Variants in MAML2 observed in about 807,000 individuals in gnomAD.
MAML2 encodes the protein mastermind like transcriptional coactivator 2.
MAML2 carries 22 observed loss-of-function variants against 96.1 expected under a neutral mutation model. The ratio of observed to expected loss-of-function variants is 0.23; its 90% CI spans 0.16 to 0.33. The LOEUF (loss-of-function observed/expected upper bound fraction) is 0.33. MAML2 is among the 10% of genes least tolerant of loss of function. The probability of loss-of-function intolerance (pLI) is 1.00; values close to 1 mark genes in which losing one functional copy is unlikely to be tolerated. For synonymous variants in MAML2, 561 were observed against 521.3 expected (o/e 1.08, Z -1.04); for missense variants, 1,367 against 1,392.4 (o/e 0.98, Z 0.29).
intron 1 of MAML2, among the ~76,000 whole-genome samples, chr11:96,128,180 G>A (rs1860483342): frequency 6.6e-6 from 1 of 152,102 alleles, no homozygotes; most frequent in Non-Finnish European, 1.5e-5. Flanking sequence ...GATCACCTGA[G>A]GTCAGGAGTT....
intron 1 of MAML2, among the ~76,000 whole-genome samples, chr11:96,326,135 T>C (rs1254210454): frequency 8.7e-6 from 1 of 114,300 alleles, no homozygotes; most frequent in Non-Finnish European, 1.6e-5. Flanking sequence ...AAACAAGAAC[T>C]CTGTCCTTGT....
intron 1 of MAML2, among the ~76,000 whole-genome samples, chr11:96,324,568 C>G (rs533813374): frequency 2.0e-5 from 3 of 152,086 alleles, no homozygotes; most frequent in African/African-American, 7.2e-5. Flanking sequence ...CTATTGTAGG[C>G]CATGGAAATA....
chr11:96,326,358 C>CCTGTGTGT lies in MAML2; in HGVS notation c.513+15024_513+15025insACACACAG, dbSNP rs111725703. 2.3e-3 allele frequency among the ~76,000 whole-genome samples: 336 copies of CCTGTGTGT among 147,756 alleles called. 1 individual carries two copies. The highest frequency in any genetic ancestry group is 7.7e-3 in the African/African-American group (306 of 39,510). Reference sequence around the variant, plus strand: ...AACTCTATTTTTAATCACACTAAAGCGTGTGTGTGTGTGTGTGTGTGTGTG... The same window carrying CCTGTGTGT: ...AACTCTATTTTTAATCACACTAAAGCCTGTGTGTGTGTGTGTGTGTGTGTGTGTGTGTG... On this transcript the variant is annotated intron_variant, in intron 1 of 4. Transcript: ENST00000524717.
intron 2 of MAML2, among the ~76,000 whole-genome samples, chr11:96,063,171 T>C (rs1163311478): frequency 6.6e-6 from 1 of 152,210 alleles, no homozygotes; most frequent in Non-Finnish European, 1.5e-5. Context: ...GCCTGGGACA[T>C]GCTGTACACC....
chr11:96,336,765 C>T (rs1176556261), intron 1 of MAML2, among the ~76,000 whole-genome samples: 2 of 152,124 alleles, frequency 1.3e-5, no homozygotes, highest in African/African-American at 4.8e-5. Flanking sequence ...TATGGCCACT[C>T]TTTTAGTCAT....
chr11:96,049,023 T>C (rs553874450), intron 2 of MAML2, among the ~76,000 whole-genome samples: 3 of 152,334 alleles, frequency 2.0e-5, no homozygotes, highest in African/African-American at 7.2e-5. Flanking sequence ...GGAAGAGCTA[T>C]TAAACTTTCC....
At chr11:96,185,110 G>A (rs1307891465) in intron 1 of MAML2, among the ~76,000 whole-genome samples, 1 of 151,664 alleles carries the variant, frequency 6.6e-6, no homozygotes, top group Admixed American at 6.5e-5. Context: ...AGAAATCTAT[G>A]AGATGTATGA....
chr11:95,979,919 T>C lies in MAML2; in HGVS notation c.2500A>G (p.Asn834Asp), dbSNP rs772098823. ...ISLNSNQALA[N>D]PVSTHTILTP... The stretch of plus-strand genomic sequence containing the variant: ...AAAATGGTGTGTGTTGAAACTGGGT[T>C]TGCCAAAGCCTGGTTAGAGTTTAAG... Residue 834 changes from asparagine to aspartate, a missense_variant, in exon 5 of 5, where the codon AAC becomes GAC. Transcript: ENST00000524717. 6.2e-7 allele frequency: 1 copy of C among 1,613,888 alleles called. No individual in the cohort carries two copies. Among genetic ancestry groups the C allele is most frequent in the Non-Finnish European group, 8.5e-7 (1 of 1,179,846 alleles).
At chr11:96,266,132 C>A (rs555912144) in intron 1 of MAML2, among the ~76,000 whole-genome samples, 2 of 152,244 alleles carry the variant, frequency 1.3e-5, no homozygotes, top group African/African-American at 4.8e-5. Context: ...CGTATGTATG[C>A]TCCCTTAGAG....
chr11:96,187,523 A>G (rs1056241033), intron 1 of MAML2, among the ~76,000 whole-genome samples: 5 of 152,136 alleles, frequency 3.3e-5, no homozygotes, highest in African/African-American at 1.2e-4. Flanking sequence ...AGAAGTTTTA[A>G]ACAGGCCGGG....
At position 96,190,505 on chromosome 11, in the gene MAML2, G is replaced by T. The variant is rs150396550; in HGVS notation, c.514-96988C>A. 2.9e-3 allele frequency among the ~76,000 whole-genome samples: 449 copies of T among 152,272 alleles called. 3 individuals are homozygous for T. Among genetic ancestry groups the T allele is most frequent in the South Asian group, 0.014 (68 of 4,814 alleles). ...CAAACCACAGGTCACTTATGGTAAGGCAGGGAGCTGATGTCTCCCAGTCTT... is the reference window on the plus strand; with the variant it reads ...CAAACCACAGGTCACTTATGGTAAGTCAGGGAGCTGATGTCTCCCAGTCTT... On this transcript the variant is annotated intron_variant, in intron 1 of 4. Coordinates refer to ENST00000524717, the MANE Select transcript of MAML2 (RefSeq NM_032427.4).
At chr11:96,025,509 A>G (rs1224023860) in intron 2 of MAML2, among the ~76,000 whole-genome samples, 1 of 152,226 alleles carries the variant, frequency 6.6e-6, no homozygotes, top group Non-Finnish European at 1.5e-5. Context: ...TACTCTGGTA[A>G]CAAACCTGAA....
chr11:96,312,790 G>A (rs1416318444), intron 1 of MAML2, among the ~76,000 whole-genome samples: 2 of 152,110 alleles, frequency 1.3e-5, no homozygotes, highest in Non-Finnish European at 2.9e-5. Flanking sequence ...GCAGGCCATC[G>A]ACTTACCTGT....
chr11:96,190,714 T>A (rs973637950), intron 1 of MAML2, among the ~76,000 whole-genome samples: 1 of 152,114 alleles, frequency 6.6e-6, no homozygotes, highest in African/African-American at 2.4e-5. Flanking sequence ...TAAATGTAAA[T>A]CCCTCTTCAT....
intron 2 of MAML2, among the ~76,000 whole-genome samples, chr11:96,015,588 G>GT (rs1223544794): frequency 2.3e-5 from 3 of 132,506 alleles, no homozygotes; most frequent in Non-Finnish European, 4.9e-5. Context: ...AAAAAAAGGG[G>GT]GGGGGGGCAA....
At chr11:95,987,292 C>G (rs1222393571) in intron 3 of MAML2, among the ~76,000 whole-genome samples, 2 of 152,116 alleles carry the variant, frequency 1.3e-5, no homozygotes, top group African/African-American at 4.8e-5. Flanking sequence ...CAGAGTAACC[C>G]TGTCTGAGGT....
intron 1 of MAML2, among the ~76,000 whole-genome samples, chr11:96,170,774 G>A (rs1215788683): frequency 3.9e-5 from 6 of 152,152 alleles, no homozygotes; most frequent in Non-Finnish European, 8.8e-5. Flanking sequence ...GAGTGCAGTG[G>A]CGTGATCTTG....
At chr11:95,993,173 G>A (rs1345297137) in intron 2 of MAML2, among the ~76,000 whole-genome samples, 1 of 149,328 alleles carries the variant, frequency 6.7e-6, no homozygotes. Flanking sequence ...GCCTCCCACA[G>A]TGCTGGTATT....
At chr11:96,324,888 C>T (rs1863753990) in intron 1 of MAML2, among the ~76,000 whole-genome samples, 1 of 152,148 alleles carries the variant, frequency 6.6e-6, no homozygotes, top group Non-Finnish European at 1.5e-5. Context: ...CCTTGTAGCC[C>T]TCGCTCCTCA....
Sources: allele counts gnomAD v4.1 joint callset (sites outside exome capture counted in the v4.1 genomes callset), GRCh38; gene constraint gnomAD v4.1.1; transcripts MANE v1.5; gene names NCBI Gene and HGNC (gene_info 2026-07-23, HGNC 2026-07-21).